KLHL14: variants seen among roughly 807,000 people sequenced by gnomAD.
The protein encoded by KLHL14 is kelch like family member 14, also known as kelch-like protein 14.
A neutral mutation model predicts 64.3 loss-of-function variants in KLHL14; 22 were observed. The observed-to-expected ratio is 0.34, with a 90% CI of 0.24 to 0.49. The LOEUF is 0.49. Among genes scored for constraint, KLHL14 ranks in the 20% least tolerant of loss-of-function variants. The probability of loss-of-function intolerance (pLI) is 0.99; values close to 1 mark genes in which losing one functional copy is unlikely to be tolerated. For synonymous variants in KLHL14, 322 were observed against 333.4 expected (o/e 0.97, Z 0.37); for missense variants, 661 against 789.0 (o/e 0.84, Z 1.94).
intron 5 of KLHL14, among the ~76,000 whole-genome samples, chr18:32,684,354 G>A (rs1468332415): frequency 6.6e-6 from 1 of 152,132 alleles, no homozygotes; most frequent in African/African-American, 2.4e-5. Context: ...AAGGTGTTCT[G>A]CACTTTTTCT....
intron 7 of KLHL14, among the ~76,000 whole-genome samples, chr18:32,679,041 C>A (rs1421693432): frequency 6.6e-6 from 1 of 151,880 alleles, no homozygotes; most frequent in African/African-American, 2.4e-5. Flanking sequence ...GAAAGAGCAC[C>A]GTTGAAAGAG....
chr18:32,721,195 GATA>G (rs2050077983), intron 3 of KLHL14, among the ~76,000 whole-genome samples: 1 of 152,278 alleles, frequency 6.6e-6, no homozygotes, highest in South Asian at 2.1e-4. Flanking sequence ...TGGACACTTA[GATA>G]ATGATAGCAG....
At chr18:32,690,000 G>GTATCCACA (rs144581136) in intron 4 of KLHL14, among the ~76,000 whole-genome samples, 2,623 of 152,252 alleles carry the variant, frequency 0.017, 33 homozygotes, top group Admixed American at 0.028. Context: ...GTGGTTTTCT[G>GTATCCACA]TATCCACATT....
Position 32,772,184 on chromosome 18 carries a change from C to T in KLHL14, c.-44+483G>A, listed in dbSNP as rs1258275628. 3 of 386,800 alleles carry T rather than the reference C, an allele frequency of 7.8e-6. No individual in the cohort carries two copies. The Admixed American group carries it at 8.3e-5, about 11-fold the overall frequency. 24.0% of individuals were successfully genotyped at this position (386,800 alleles called of 1,614,324 possible). On this transcript the variant is annotated intron_variant, in intron 1 of 8. Coordinates refer to ENST00000359358, the MANE Select transcript of KLHL14 (RefSeq NM_020805.3). ...AGGGATCCCGGCGGACCTGCCCCTT[C>T]CACTGCGGCTCACTCTGCCCTGCCT...
chr18:32,697,367 G>C (rs2049941991), intron 3 of KLHL14, among the ~76,000 whole-genome samples: 3 of 152,172 alleles, frequency 2.0e-5, no homozygotes, highest in African/African-American at 7.2e-5. Flanking sequence ...TGCTACTCCA[G>C]TTGATGGTAA....
At chr18:32,752,778 C>CTT (rs61338140) in intron 2 of KLHL14, among the ~76,000 whole-genome samples, 6 of 95,436 alleles carry the variant, frequency 6.3e-5, no homozygotes, top group African/African-American at 2.0e-4. Flanking sequence ...AATGTGGGAA[C>CTT]TTTTTTTTTT....
chr18:32,697,163 G>A (rs181406302), intron 3 of KLHL14, among the ~76,000 whole-genome samples: 8 of 152,276 alleles, frequency 5.3e-5, no homozygotes, highest in East Asian at 3.9e-4. Flanking sequence ...TTTTACCTGC[G>A]TAGATGCTAC....
At chr18:32,750,944 C>G (rs1262961883) in intron 2 of KLHL14, among the ~76,000 whole-genome samples, 2 of 152,144 alleles carry the variant, frequency 1.3e-5, no homozygotes, top group African/African-American at 4.8e-5. Context: ...TCCCAATTAC[C>G]TATCTTATTA....
chr18:32,727,329 A>G (rs2050113010), intron 3 of KLHL14, among the ~76,000 whole-genome samples: 1 of 152,198 alleles, frequency 6.6e-6, no homozygotes, highest in African/African-American at 2.4e-5. Context: ...CAGGCTTTTC[A>G]GTTTAGGGCT....
In KLHL14 at chr18:32,672,962, GA is replaced by G. The variant is rs1275723951; in HGVS notation, c.*1694del. ...GTGACAGTTGACAACAAAAGGTTCT[GA>G]AGCAGACCTCATTCTATTCATGATG... On this transcript the variant is annotated 3_prime_UTR_variant, in exon 9 of 9. Coordinates refer to ENST00000359358, the MANE Select transcript of KLHL14 (RefSeq NM_020805.3). 6.6e-6 allele frequency: 1 copy of G among 152,590 alleles called. No homozygotes were observed. Among genetic ancestry groups the G allele is most frequent in the Non-Finnish European group, 1.5e-5 (1 of 68,026 alleles). 9.5% of individuals were successfully genotyped at this position (152,590 alleles called of 1,614,324 possible).
chr18:32,687,370 C>T (rs907736912), intron 4 of KLHL14, 137 bp from the exon 5 acceptor site: 10 of 689,604 alleles, frequency 1.5e-5, no homozygotes, highest in East Asian at 7.9e-5. Context: ...TAACACAGCA[C>T]GGGCGATGAG....
chr18:32,754,799 G>A (rs537368329), intron 2 of KLHL14, among the ~76,000 whole-genome samples: 107 of 152,292 alleles, frequency 7.0e-4, no homozygotes, highest in African/African-American at 2.4e-3. Context: ...GGCTTCTCCC[G>A]GAATATTCAT....
rs188236607 is a variant in KLHL14 at position 32,748,107 on chromosome 18, A to G, written c.948-6058T>C. 2.9e-4 allele frequency among the ~76,000 whole-genome samples: 44 copies of G among 152,348 alleles called. No individual in the cohort carries two copies. The East Asian group carries it at 7.5e-3, about 26-fold the overall frequency. On this transcript the variant is annotated intron_variant, in intron 2 of 8. Transcript: ENST00000359358. ...TGGAAGCCATCAGAATCTTTGAGGC[A>G]GAGTAGCCTAGTTGTTAAGGGTGTA...
At chr18:32,695,254 TTGA>T (rs1421659943) in intron 4 of KLHL14, among the ~76,000 whole-genome samples, 1 of 152,108 alleles carries the variant, frequency 6.6e-6, no homozygotes, top group Non-Finnish European at 1.5e-5. Context: ...CCCCAGACAG[TTGA>T]TGAGTGATCG....
chr18:32,684,699 G>A (rs908172438), intron 5 of KLHL14, among the ~76,000 whole-genome samples: 3 of 105,458 alleles, frequency 2.8e-5, no homozygotes, highest in African/African-American at 1.1e-4. Flanking sequence ...GGTAGGCGGG[G>A]AACTTCCGGT....
intron 2 of KLHL14, among the ~76,000 whole-genome samples, chr18:32,758,923 G>C (rs2144547037): frequency 6.6e-6 from 1 of 152,270 alleles, no homozygotes; most frequent in East Asian, 1.9e-4. Context: ...GTTACCTAGG[G>C]CTGAAAGTCG....
In KLHL14 at chr18:32,770,485, G is replaced by T; in HGVS notation, c.107C>A (p.Thr36Asn). 1 of 1,612,296 alleles carries T rather than the reference G, an allele frequency of 6.2e-7. No individual in the cohort carries two copies. Among genetic ancestry groups the T allele is most frequent in the Non-Finnish European group, 8.5e-7 (1 of 1,179,890 alleles). ...LWRKQLFCDV[T>N]LTAQGQQFHC... The stretch of plus-strand genomic sequence containing the variant: ...GAACTGCTGGCCCTGGGCCGTCAGG[G>T]TCACGTCGCAAAACAGCTGCTTCCT... Residue 36 changes from threonine (T) to asparagine (N), a missense_variant, in exon 2 of 9, where the codon ACC becomes AAC. Physicochemically the swap from Thr to Asn is moderately conservative, Grantham distance 65. Coordinates refer to ENST00000359358, the MANE Select transcript of KLHL14 (RefSeq NM_020805.3). The surrounding 1 kb of genome is among the most constrained non-coding windows in gnomAD (Gnocchi z 6.7).
At chr18:32,730,143 C>T (rs567267186) in intron 3 of KLHL14, among the ~76,000 whole-genome samples, 1 of 152,208 alleles carries the variant, frequency 6.6e-6, no homozygotes, top group Admixed American at 6.5e-5. Flanking sequence ...TGGCTTATAT[C>T]TAATGACAGA....
intron 2 of KLHL14, among the ~76,000 whole-genome samples, chr18:32,766,191 A>G (rs2050342974): frequency 6.6e-6 from 1 of 152,084 alleles, no homozygotes; most frequent in African/African-American, 2.4e-5. Context: ...GAAAATGTAA[A>G]ACATTAGTTA....
Sources: allele counts gnomAD v4.1 joint callset (sites outside exome capture counted in the v4.1 genomes callset), GRCh38; gene constraint gnomAD v4.1.1; non-coding constraint Gnocchi (gnomAD v3.1); transcripts MANE v1.5; gene names NCBI Gene and HGNC (gene_info 2026-07-23, HGNC 2026-07-21).